Variants in VPS13D observed in about 807,000 individuals in gnomAD.
VPS13D encodes vacuolar protein sorting 13 homolog D.
In VPS13D, 187 loss-of-function variants were observed where a neutral mutation model predicts 461.9. That is an observed-to-expected ratio of 0.40 (90% CI 0.36 to 0.46). VPS13D has a LOEUF of 0.46. Ranked by LOEUF, VPS13D falls within the 20% of genes least tolerant of loss-of-function variation. The pLI is 0.60. For missense variants in VPS13D, 4,711 were observed against 5,364.9 expected, an observed-to-expected ratio of 0.88 and a Z score of 3.81; for synonymous variants, 1,951 against 1,986.3, an observed-to-expected ratio of 0.98 and a Z score of 0.47.
intron 69 of VPS13D, among the ~76,000 whole-genome samples, chr1:12,508,076 G>A (rs913600909): frequency 6.6e-6 from 1 of 152,196 alleles, no homozygotes; most frequent in Non-Finnish European, 1.5e-5. Context: ...TAAGGCTCCC[G>A]TGGGGTCATT....
In VPS13D at chr1:12,481,581, G is replaced by A. The variant is rs149525503; in HGVS notation, c.12663-15919G>A. Among the ~76,000 whole-genome samples, 406 of 152,300 alleles carry A rather than the reference G, an allele frequency of 2.7e-3. 1 individual carries two copies. Among genetic ancestry groups the A allele is most frequent in the Non-Finnish European group, 4.6e-3 (311 of 68,008 alleles). On this transcript the variant is annotated intron_variant, in intron 67 of 69. Coordinates refer to ENST00000620676, the MANE Select transcript of VPS13D (RefSeq NM_015378.4). ...CTGATTTTTATGAAGGCACAGAAATGCACCTGAGGTGACCCCAAGTCCTTC... is the reference window on the plus strand; with the variant it reads ...CTGATTTTTATGAAGGCACAGAAATACACCTGAGGTGACCCCAAGTCCTTC...
chr1:12,348,945 A>G lies in VPS13D; in HGVS notation c.9192A>G (p.Leu3064=), dbSNP rs376770791. The G allele has an allele frequency of 1.2e-6, 2 of 1,614,076 alleles. No homozygotes were observed. Among genetic ancestry groups the G allele is most frequent in the African/African-American group, 2.7e-5 (2 of 74,924 alleles). ...ACAGACTTGAGACACCAATGGAACT[A>G]AGACTGGATAGCCCATCAGCTCCAG... ...VRNRLETPME[L]RLDSPSAPDK... is the part of the protein sequence containing the mutation. Residue 3064 remains leucine (L), a synonymous_variant, in exon 45 of 70, where the codon CTA becomes CTG. Coordinates refer to ENST00000620676, the MANE Select transcript of VPS13D (RefSeq NM_015378.4).
rs374299571 is a variant in VPS13D, at chr1:12,249,197, C to T, written c.448-26C>T. 15 of 1,563,586 alleles carry T rather than the reference C, an allele frequency of 9.6e-6. No individual in the cohort carries two copies. In the African/African-American group the frequency reaches 1.9e-4, roughly 20 times the overall value. The stretch of plus-strand genomic sequence containing the variant: ...GAACACTATTCTGCAGGTGCATCAG[C>T]TGCTTTTTCTTTTTTCTCTTTGCAG... On this transcript the variant is annotated intron_variant, in intron 5 of 69. Coordinates refer to ENST00000620676, the MANE Select transcript of VPS13D (RefSeq NM_015378.4).
intron 63 of VPS13D, among the ~76,000 whole-genome samples, chr1:12,410,054 T>G (rs1168900037): frequency 6.6e-6 from 1 of 152,214 alleles, no homozygotes; most frequent in African/African-American, 2.4e-5. Flanking sequence ...AAGCAAAACT[T>G]AGACTTCATT....
chr1:12,446,565 C>A (rs1342722463), intron 65 of VPS13D, among the ~76,000 whole-genome samples: 1 of 152,176 alleles, frequency 6.6e-6, no homozygotes, highest in Non-Finnish European at 1.5e-5. Context: ...TCTCCATAGT[C>A]CTCTTTCTTT....
intron 67 of VPS13D, among the ~76,000 whole-genome samples, chr1:12,464,273 C>T (rs866071960): frequency 6.6e-6 from 1 of 152,258 alleles, no homozygotes; most frequent in African/African-American, 2.4e-5. Context: ...AGATTCTGAC[C>T]GAGGGTTGAC....
chr1:12,452,201 G>T (rs1351693179), intron 65 of VPS13D, among the ~76,000 whole-genome samples: 2 of 152,226 alleles, frequency 1.3e-5, no homozygotes, highest in Non-Finnish European at 2.9e-5. Flanking sequence ...GGTTGACTGG[G>T]TGTGTAGTGG....
chr1:12,321,759 C>T lies in VPS13D; in HGVS notation c.7549-50C>T, dbSNP rs746764426. The T allele has an allele frequency of 7.7e-6, 12 of 1,555,746 alleles. No homozygotes were observed. The East Asian group carries it at 2.8e-4, about 36-fold the overall frequency. ...AGCCTCTTTGTGCTGGTAGTTGGAC[C>T]CTTCCTAAATCAGACATTAATTCTC... On this transcript the variant is annotated intron_variant, in intron 32 of 69. Coordinates refer to ENST00000620676, the MANE Select transcript of VPS13D (RefSeq NM_015378.4).
intron 65 of VPS13D, among the ~76,000 whole-genome samples, chr1:12,427,728 G>A (rs1416646093): frequency 6.6e-6 from 1 of 152,134 alleles, no homozygotes; most frequent in Non-Finnish European, 1.5e-5. Flanking sequence ...TGCATGTCCA[G>A]GAACCAGTTC....
intron 60 of VPS13D, 144 bp from the exon 61 acceptor site, chr1:12,400,037 G>T: frequency 1.2e-6 from 1 of 825,224 alleles, no homozygotes; most frequent in Non-Finnish European, 1.9e-6. Context: ...CTGCCCTTTT[G>T]TGAACTGCTA....
intron 68 of VPS13D, among the ~76,000 whole-genome samples, chr1:12,506,561 G>C (rs760568249): frequency 6.6e-6 from 1 of 152,174 alleles, no homozygotes; most frequent in Non-Finnish European, 1.5e-5. Flanking sequence ...TCCTCTGCCA[G>C]GCAGTGAACT....
intron 60 of VPS13D, among the ~76,000 whole-genome samples, chr1:12,399,030 C>T (rs774638578): frequency 3.8e-4 from 58 of 152,164 alleles, no homozygotes; most frequent in Non-Finnish European, 7.3e-5. Context: ...GCAGCAAACC[C>T]TTAGTTTAAC....
Position 12,368,507 on chromosome 1 carries a change from T to G in VPS13D, c.10488T>G (p.Ile3496Met). Residue 3496 changes from isoleucine to methionine, a missense_variant, in exon 53 of 70, where the codon ATT (isoleucine) becomes ATG (methionine). By Grantham distance (10) the Ile-to-Met change is conservative. This residue lies in a region of VPS13D where 4,411 missense variants were observed against 4,937.8 expected (regional missense o/e 0.89). Transcript: ENST00000620676. ...AATGCTTCTTCCTACGAGTGGAAAT[T>G]ACTCTCCGAGGAGCTACGTATAGGA... The part of the protein sequence containing the change: ...LGKCFFLRVE[I>M]TLRGATYRIS... 2 of 1,613,658 alleles carry G rather than the reference T, an allele frequency of 1.2e-6. No homozygotes were observed. Among genetic ancestry groups the G allele is most frequent in the Non-Finnish European group, 1.7e-6 (2 of 1,179,792 alleles).
At position 12,345,382 on chromosome 1, in the gene VPS13D, A is replaced by G; in HGVS notation, c.8894A>G (p.His2965Arg). The G allele has an allele frequency of 6.2e-7, 1 of 1,611,296 alleles. No homozygotes were observed. Among genetic ancestry groups the G allele is most frequent in the Non-Finnish European group, 8.5e-7 (1 of 1,177,646 alleles). ...ARGKLRHRHT[H>R]DLRIHQLQVR... ...TTTGTTCTGCCTGACAGACACACCC[A>G]TGACCTCCGGATTCATCAACTGCAA... The change falls in exon 43 of 70, where the codon CAT (histidine) becomes CGT (arginine). Residue 2965 changes from histidine to arginine, a missense_variant. Coordinates refer to ENST00000620676, the MANE Select transcript of VPS13D (RefSeq NM_015378.4).
At chr1:12,285,628 T>A (rs553778080) in intron 21 of VPS13D, among the ~76,000 whole-genome samples, 1 of 152,240 alleles carries the variant, frequency 6.6e-6, no homozygotes, top group Non-Finnish European at 1.5e-5. Flanking sequence ...ATATATCATT[T>A]CACTCTACAT....
chr1:12,490,687 G>A (rs758676331), intron 67 of VPS13D, among the ~76,000 whole-genome samples: 1 of 151,828 alleles, frequency 6.6e-6, no homozygotes, highest in South Asian at 2.1e-4. Flanking sequence ...GGAGCTACAG[G>A]TCTGAGATAG....
rs557652888 is a variant in VPS13D at position 12,267,872 on chromosome 1, T to C, written c.1753T>C (p.Ser585Pro). 3.3e-5 allele frequency: 53 copies of C among 1,614,074 alleles called. No individual in the cohort carries two copies. The highest frequency in any genetic ancestry group is 4.2e-5 in the Non-Finnish European group (49 of 1,180,026). The change falls in exon 15 of 70, where the codon TCT (serine) becomes CCT (proline). Residue 585 changes from serine to proline, a missense_variant. Physicochemically the swap from Ser to Pro is moderately conservative, Grantham distance 74. Transcript: ENST00000620676. ...AAAAGAAGTTGGCAGAGTCTCACAA[T>C]CTTTTGGTCTACAAACTACATCTGC... ...PQKEVGRVSQ[S>P]FGLQTTSADR...
Position 12,276,988 on chromosome 1 carries a change from A to T in VPS13D, c.3400A>T (p.Lys1134Ter). The change falls in exon 19 of 70, where the codon AAA becomes TAA. Residue 1134 changes from lysine (K) to a stop codon, truncating the protein, a stop_gained. Transcript: ENST00000620676. LOFTEE classifies it high-confidence loss of function. The surrounding 1 kb of genome is among the most constrained non-coding windows in gnomAD (Gnocchi z 4.5). ...GFLQKSFPKEKDDLSPQPLMT... is the reference protein window; with the variant it reads ...GFLQKSFPKE ...TCTTCAAAAATCCTTTCCCAAGGAA[A>T]AAGATGATTTAAGTCCTCAACCTTT... 6.2e-7 allele frequency: 1 copy of T among 1,614,176 alleles called. No individual in the cohort carries two copies. Among genetic ancestry groups the T allele is most frequent in the Non-Finnish European group, 8.5e-7 (1 of 1,180,024 alleles).
intron 26 of VPS13D, among the ~76,000 whole-genome samples, chr1:12,307,767 C>T (rs1642608533): frequency 6.6e-6 from 1 of 152,184 alleles, no homozygotes; most frequent in Non-Finnish European, 1.5e-5. Flanking sequence ...GCTGGGATTA[C>T]AGGTGTGAGC....
Sources: allele counts gnomAD v4.1 joint callset (sites outside exome capture counted in the v4.1 genomes callset), GRCh38; gene constraint gnomAD v4.1.1; regional missense constraint gnomAD v4.1.1; non-coding constraint Gnocchi (gnomAD v3.1); transcripts MANE v1.5; gene names NCBI Gene and HGNC (gene_info 2026-07-23, HGNC 2026-07-21).